Variants in RBFOX1 observed in about 807,000 individuals in gnomAD.
RBFOX1 encodes RNA binding protein fox-1 homolog 1.
In RBFOX1, 8 loss-of-function variants were observed where a neutral mutation model predicts 57.7. The ratio of observed to expected loss-of-function variants is 0.14; its 90% CI spans 0.08 to 0.25. RBFOX1 has a LOEUF of 0.25. Among genes scored for constraint, RBFOX1 ranks in the 10% least tolerant of loss-of-function variants. The probability of loss-of-function intolerance (pLI) is 1.00; values close to 1 mark genes in which losing one functional copy is unlikely to be tolerated. For missense variants in RBFOX1, 611 were observed against 548.5 expected (o/e 1.11, Z -1.14); for synonymous variants, 326 against 222.4 (o/e 1.47, Z -4.15).
chr16:6,906,250 A>G (rs2069894369), intron 3 of RBFOX1, among the ~76,000 whole-genome samples: 1 of 142,498 alleles, frequency 7.0e-6, no homozygotes, highest in South Asian at 2.2e-4. Flanking sequence ...CCCCCCCCCA[A>G]AATATACATT....
At chr16:5,563,622 C>T (rs1051394635) in intron 2 of RBFOX1, among the ~76,000 whole-genome samples, 1 of 152,092 alleles carries the variant, frequency 6.6e-6, no homozygotes, top group African/African-American at 2.4e-5. Flanking sequence ...AGTTGACCAG[C>T]CCTGAAATCC....
Position 7,027,836 on chromosome 16 carries a change from G to A in RBFOX1, c.-15-24221G>A, listed in dbSNP as rs975215420. Among the ~76,000 whole-genome samples the A allele has an allele frequency of 9.2e-5, 14 of 151,724 alleles. 1 individual carries two copies. Among genetic ancestry groups the A allele is most frequent in the African/African-American group, 3.4e-4 (14 of 41,284 alleles). Reference sequence around the variant, plus strand: ...GAGAAAGAAGGGAAGGAAGGTGGAGGAGGTGGGAGAGAGAAAGGAGAGGGA... The same window carrying A: ...GAGAAAGAAGGGAAGGAAGGTGGAGAAGGTGGGAGAGAGAAAGGAGAGGGA... On this transcript the variant is annotated intron_variant, in intron 3 of 15. Coordinates refer to ENST00000550418, the MANE Select transcript of RBFOX1 (RefSeq NM_018723.4).
In RBFOX1 at chr16:7,446,881, C is replaced by T. The variant is rs558661605; in HGVS notation, c.28-71266C>T. Among the ~76,000 whole-genome samples, 22 of 129,222 alleles carry T rather than the reference C, an allele frequency of 1.7e-4. No individual in the cohort carries two copies. In the South Asian group the frequency reaches 2.9e-3, roughly 17 times the overall value. The allele number at this position is 129,222 out of a possible 152,430, so 84.8% of individuals were successfully genotyped here. On this transcript the variant is annotated intron_variant, in intron 4 of 15. Transcript: ENST00000550418. ...AGGCTGCAGTGCAGGAGTGTGATCT[C>T]GGCTCACTGCAAACTCCACCTCCTG...
At chr16:6,838,873 C>G (rs577361615) in intron 3 of RBFOX1, among the ~76,000 whole-genome samples, 2 of 152,190 alleles carry the variant, frequency 1.3e-5, no homozygotes, top group African/African-American at 2.4e-5. Context: ...CACTGAGAAT[C>G]TCACCCACAG....
intron 3 of RBFOX1, among the ~76,000 whole-genome samples, chr16:6,675,359 C>A (rs2057455036): frequency 6.6e-6 from 1 of 152,064 alleles, no homozygotes; most frequent in Non-Finnish European, 1.5e-5. Flanking sequence ...TGTATCTGTC[C>A]CAATTTCTCA....
chr16:6,977,069 T>C (rs1224372397), intron 3 of RBFOX1, among the ~76,000 whole-genome samples: 1 of 142,288 alleles, frequency 7.0e-6, no homozygotes, highest in Admixed American at 7.3e-5. Context: ...GAGATATACT[T>C]TATCATATAT....
At chr16:6,373,642 T>G (rs894747250) in intron 2 of RBFOX1, among the ~76,000 whole-genome samples, 5 of 151,986 alleles carry the variant, frequency 3.3e-5, no homozygotes, top group African/African-American at 1.2e-4. Context: ...GATGATTGGG[T>G]GGAATGGAGA....
chr16:5,243,670 C>T (rs531397215), intron 1 of RBFOX1, among the ~76,000 whole-genome samples: 1 of 152,182 alleles, frequency 6.6e-6, no homozygotes, highest in South Asian at 2.1e-4. Flanking sequence ...CAGTTGAGAG[C>T]CATTGGTCTA....
At chr16:6,361,818 C>T (rs978376653) in intron 2 of RBFOX1, among the ~76,000 whole-genome samples, 4 of 152,054 alleles carry the variant, frequency 2.6e-5, no homozygotes, top group African/African-American at 4.8e-5. Context: ...AATTGAGAAC[C>T]ACTGGGCTGG....
Position 7,185,942 on chromosome 16 carries a change from C to A in RBFOX1, c.27+133844C>A, listed in dbSNP as rs187360870. On this transcript the variant is annotated intron_variant, in intron 4 of 15. Coordinates refer to ENST00000550418, the MANE Select transcript of RBFOX1 (RefSeq NM_018723.4). ...GGTGACTCACTTCCTGACCCTTTCTCCCCGTCCTCTGAAGTATGTCTCAGC... is the reference window on the plus strand; with the variant it reads ...GGTGACTCACTTCCTGACCCTTTCTACCCGTCCTCTGAAGTATGTCTCAGC... Among the ~76,000 whole-genome samples, 180 of 152,278 alleles carry A rather than the reference C, an allele frequency of 1.2e-3. 1 individual carries two copies. Among genetic ancestry groups the A allele is most frequent in the African/African-American group, 3.7e-3 (153 of 41,558 alleles).
chr16:6,123,608 C>G (rs1383423336), intron 1 of RBFOX1, among the ~76,000 whole-genome samples: 1 of 152,156 alleles, frequency 6.6e-6, no homozygotes, highest in Non-Finnish European at 1.5e-5. Flanking sequence ...TGTGAATGTA[C>G]TCAATGCCAC....
chr16:5,832,817 G>C (rs148801393), intron 3 of RBFOX1, among the ~76,000 whole-genome samples: 1 of 152,182 alleles, frequency 6.6e-6, no homozygotes, highest in African/African-American at 2.4e-5. Flanking sequence ...TACTCCAACT[G>C]CTTGGGACCA....
chr16:6,463,323 T>C (rs573439742), intron 2 of RBFOX1, among the ~76,000 whole-genome samples: 2 of 152,272 alleles, frequency 1.3e-5, no homozygotes, highest in African/African-American at 2.4e-5. Context: ...AGATCACAAT[T>C]TCTGAACTCT....
intron 1 of RBFOX1, among the ~76,000 whole-genome samples, chr16:6,273,785 G>C (rs1378700698): frequency 1.3e-5 from 2 of 152,122 alleles, no homozygotes; most frequent in Non-Finnish European, 2.9e-5. Flanking sequence ...TTCAGACTTA[G>C]AGGAAACTTT....
chr16:6,641,541 A>G (rs970141493), intron 2 of RBFOX1, among the ~76,000 whole-genome samples: 1 of 151,830 alleles, frequency 6.6e-6, no homozygotes, highest in African/African-American at 2.4e-5. Context: ...TTAAGACAAG[A>G]CCAGGCAACA....
intron 3 of RBFOX1, among the ~76,000 whole-genome samples, chr16:6,670,007 G>GTCTA (rs1267934167): frequency 5.3e-5 from 8 of 151,580 alleles, no homozygotes; most frequent in East Asian, 3.9e-4. Context: ...ATCTCTGTCT[G>GTCTA]TCTATCTATC....
chr16:6,655,432 C>T (rs998318364), intron 3 of RBFOX1, among the ~76,000 whole-genome samples: 2 of 117,172 alleles, frequency 1.7e-5, no homozygotes, highest in African/African-American at 3.9e-5. Flanking sequence ...CATCACAACA[C>T]ATCAACACAT....
At chr16:7,025,125 C>T (rs955552482) in intron 3 of RBFOX1, among the ~76,000 whole-genome samples, 1 of 152,134 alleles carries the variant, frequency 6.6e-6, no homozygotes, top group Non-Finnish European at 1.5e-5. Flanking sequence ...AAAAGAATGT[C>T]CACTCCATAG....
chr16:6,964,217 C>T lies in RBFOX1; in HGVS notation c.-15-87840C>T, dbSNP rs1010337589. 2.6e-5 allele frequency among the ~76,000 whole-genome samples: 4 copies of T among 152,116 alleles called. No individual in the cohort carries two copies. The East Asian group carries it at 5.8e-4, about 22-fold the overall frequency. On this transcript the variant is annotated intron_variant, in intron 3 of 15. Transcript: ENST00000550418. The stretch of plus-strand genomic sequence containing the variant: ...ATTTTTTAGTAGAGATGGGGTTTCA[C>T]CTTGTTGGCCAGGCTGGTCTCGAAC...
Sources: gnomAD v4.1 joint callset for allele counts (sites outside exome capture counted in the v4.1 genomes callset) on GRCh38, gnomAD v4.1.1 for gene constraint, MANE v1.5 for transcripts, NCBI Gene and HGNC (gene_info 2026-07-23, HGNC 2026-07-21) for gene names.